ZNF486: variants seen among roughly 807,000 people sequenced by gnomAD.
The protein encoded by ZNF486 is zinc finger protein 486, also known as KRAB box only protein 2.
ZNF486 carries 12 observed loss-of-function variants against 12.8 expected under a neutral mutation model. The observed-to-expected ratio is 0.94, with a 90% CI of 0.60 to 1.52. The LOEUF (loss-of-function observed/expected upper bound fraction) is 1.52, where lower values mean the gene tolerates loss of function less well. Ranked by LOEUF, ZNF486 falls within the 40% of genes most tolerant of loss-of-function variation. ZNF486 has a pLI of 0.00. For missense variants in ZNF486, 738 were observed against 545.0 expected, an observed-to-expected ratio of 1.35 and a Z score of -3.53; for synonymous variants, 231 against 184.9, an observed-to-expected ratio of 1.25 and a Z score of -2.02.
chr19:20,194,274 C>G lies in ZNF486; in HGVS notation c.254-2690C>G, dbSNP rs145474097. 1.4e-3 allele frequency among the ~76,000 whole-genome samples: 218 copies of G among 152,214 alleles called. 2 individuals carry two copies. Among genetic ancestry groups the G allele is most frequent in the African/African-American group, 4.8e-3 (201 of 41,518 alleles). Reference sequence around the variant, plus strand: ...TTTGATGTGTATGGTGTATGCAGTGCCAATATACTTTCTCAGGATTTGGTT... The same window carrying G: ...TTTGATGTGTATGGTGTATGCAGTGGCAATATACTTTCTCAGGATTTGGTT... On this transcript the variant is annotated intron_variant, in intron 3 of 3. Transcript: ENST00000335117.
intron 3 of ZNF486, among the ~76,000 whole-genome samples, chr19:20,192,055 A>T (rs532418714): frequency 2.0e-5 from 3 of 152,202 alleles, no homozygotes; most frequent in African/African-American, 7.2e-5. Context: ...CTGGTAAATT[A>T]ACTCACTTTA....
chr19:20,184,507 T>A, intron 2 of ZNF486, 25 bp downstream of exon 2: 1 of 1,555,166 alleles, frequency 6.4e-7, no homozygotes, highest in Non-Finnish European at 8.6e-7. Flanking sequence ...AATACATAAT[T>A]CATAAAAAAC....
intron 3 of ZNF486, among the ~76,000 whole-genome samples, chr19:20,189,433 G>A (rs2089881694): frequency 6.6e-6 from 1 of 152,160 alleles, no homozygotes; most frequent in Non-Finnish European, 1.5e-5. Flanking sequence ...TTTAAATAAT[G>A]GCTGCATCTT....
chr19:20,197,548 A>G lies in ZNF486; in HGVS notation c.838A>G (p.Thr280Ala), dbSNP rs1363383529. Reference sequence around the variant, plus strand: ...TGGCAAAGCCTTTATGTACCCCTATACCCTTACTACACATAAGATAATCCA... The same window carrying G: ...TGGCAAAGCCTTTATGTACCCCTATGCCCTTACTACACATAAGATAATCCA... ...ECGKAFMYPY[T>A]LTTHKIIHTG... The change falls in exon 4 of 4, where the codon ACC becomes GCC. Residue 280 changes from threonine (T) to alanine (A), a missense_variant. Transcript: ENST00000335117. 8 of 1,612,298 alleles carry G rather than the reference A, an allele frequency of 5.0e-6. No individual in the cohort carries two copies. Among genetic ancestry groups the G allele is most frequent in the Non-Finnish European group, 6.8e-6 (8 of 1,179,392 alleles).
Position 20,193,962 on chromosome 19 carries a change from T to G in ZNF486, c.254-3002T>G, listed in dbSNP as rs542549601. Among the ~76,000 whole-genome samples the G allele has an allele frequency of 7.2e-5, 11 of 152,314 alleles. No homozygotes were observed. In the South Asian group the frequency reaches 2.3e-3, roughly 32 times the overall value. On this transcript the variant is annotated intron_variant, in intron 3 of 3. Transcript: ENST00000335117. ...ATGTGGTAAAAAAATTAACTTCAGT[T>G]ATATACTGAAATTCTTCATCATTAC...
chr19:20,178,272 C>A (rs1467021724), intron 1 of ZNF486, among the ~76,000 whole-genome samples: 1 of 150,626 alleles, frequency 6.6e-6, no homozygotes, highest in African/African-American at 2.4e-5. Context: ...GACAAAGTCT[C>A]ACTCTGTCAC....
chr19:20,179,184 A>G (rs2089757264), intron 1 of ZNF486, among the ~76,000 whole-genome samples: 1 of 152,226 alleles, frequency 6.6e-6, no homozygotes, highest in African/African-American at 2.4e-5. Flanking sequence ...ACTGTTCACT[A>G]TTGGCACAAG....
rs559002129 is a variant in ZNF486, at chr19:20,197,013, A to G, written c.303A>G (p.Lys101=). 6.2e-7 allele frequency: 1 copy of G among 1,603,126 alleles called. No homozygotes were observed. Among genetic ancestry groups the G allele is most frequent in the South Asian group, 1.1e-5 (1 of 88,540 alleles). The part of the protein sequence containing the change: ...AQDLWPEQSI[K]DSYQKVILRK... ...ACCTTTGGCCAGAGCAGAGCATAAAAGATTCTTACCAAAAAGTGATACTGA... is the reference window on the plus strand; with the variant it reads ...ACCTTTGGCCAGAGCAGAGCATAAAGGATTCTTACCAAAAAGTGATACTGA... The change falls in exon 4 of 4, where the codon AAA becomes AAG. Residue 101 remains lysine, a synonymous_variant. Transcript: ENST00000335117.
intron 1 of ZNF486, among the ~76,000 whole-genome samples, chr19:20,170,509 G>T (rs1349422848): frequency 6.6e-6 from 1 of 151,908 alleles, no homozygotes; most frequent in African/African-American, 2.4e-5. Context: ...GAAGGTTGCA[G>T]TGAGCAGTGA....
chr19:20,188,997 G>T (rs966768134), intron 3 of ZNF486, among the ~76,000 whole-genome samples: 4 of 152,138 alleles, frequency 2.6e-5, no homozygotes, highest in Non-Finnish European at 4.4e-5. Flanking sequence ...AGACATCTGG[G>T]TTGCTTCAAC....
At chr19:20,186,694 T>C (rs1223379897) in intron 3 of ZNF486, among the ~76,000 whole-genome samples, 1 of 152,090 alleles carries the variant, frequency 6.6e-6, no homozygotes, top group Non-Finnish European at 1.5e-5. Flanking sequence ...ACCACTGCAA[T>C]TTTGATAGGA....
intron 1 of ZNF486, among the ~76,000 whole-genome samples, chr19:20,178,720 T>C (rs2089751255): frequency 6.6e-6 from 1 of 152,196 alleles, no homozygotes; most frequent in African/African-American, 2.4e-5. Context: ...CAGAATTGTG[T>C]CTCTATTTGT....
Position 20,199,792 on chromosome 19 carries a change from C to A in ZNF486, c.*1690C>A, listed in dbSNP as rs1488493701. 6.6e-6 allele frequency: 1 copy of A among 151,000 alleles called. No homozygotes were observed. Among genetic ancestry groups the A allele is most frequent in the African/African-American group, 2.4e-5 (1 of 41,070 alleles). The allele number at this position is 151,000 out of a possible 1,614,324, so 9.4% of individuals were successfully genotyped here. On this transcript the variant is annotated 3_prime_UTR_variant, in exon 4 of 4. Transcript: ENST00000335117. Reference sequence around the variant, plus strand: ...TAATTACATTAAAAGTATACTTGTTCCAGCTGCGTGTGGTGGCTCATGCCT... The same window carrying A: ...TAATTACATTAAAAGTATACTTGTTACAGCTGCGTGTGGTGGCTCATGCCT...
chr19:20,187,521 TGA>T (rs1379704897), intron 3 of ZNF486, among the ~76,000 whole-genome samples: 9 of 149,304 alleles, frequency 6.0e-5, no homozygotes, highest in African/African-American at 2.2e-4. Context: ...TTTTTTTTTT[TGA>T]GAGAGTCTCA....
chr19:20,178,221 T>C (rs1259037323), intron 1 of ZNF486, among the ~76,000 whole-genome samples: 1 of 151,602 alleles, frequency 6.6e-6, no homozygotes, highest in Non-Finnish European at 1.5e-5. Context: ...AGCCACCATG[T>C]CCAGCGAAGA....
intron 2 of ZNF486, 150 bp from the exon 3 acceptor site, chr19:20,185,837 A>G (rs188201735): frequency 9.1e-5 from 40 of 439,364 alleles, no homozygotes; most frequent in African/African-American, 2.3e-4. Context: ...AGTTGAAAGT[A>G]TTTTCTAAAT....
At chr19:20,196,443 C>T (rs1555717944) in intron 3 of ZNF486, among the ~76,000 whole-genome samples, 2 of 152,196 alleles carry the variant, frequency 1.3e-5, no homozygotes, top group Non-Finnish European at 2.9e-5. Flanking sequence ...ATTCTCATGC[C>T]TCAGCCTCCT....
chr19:20,184,420 C>T lies in ZNF486; in HGVS notation c.95C>T (p.Thr32Ile), dbSNP rs61742117. The T allele has an allele frequency of 1.8e-3, 2,917 of 1,613,570 alleles. 53 individuals carry two copies. The African/African-American group carries it at 0.035, about 19-fold the overall frequency. ...FSLEEWHCLD[T>I]AQQNLYRDVM... ...CTGGAGGAGTGGCATTGCCTGGACA[C>T]TGCACAGCAGAATTTATATAGGGAT... is the stretch of plus-strand genomic sequence containing the variant. The change falls in exon 2 of 4, where the codon ACT (threonine) becomes ATT (isoleucine). Residue 32 changes from threonine (T) to isoleucine (I), a missense_variant. By Grantham distance (89) the Thr-to-Ile change is moderately conservative. Coordinates refer to ENST00000335117, the MANE Select transcript of ZNF486 (RefSeq NM_052852.4).
At chr19:20,176,848 G>T (rs890889810) in intron 1 of ZNF486, 2 of 152,414 alleles carry the variant, frequency 1.3e-5, no homozygotes, top group African/African-American at 4.8e-5. Context: ...AGGGAGAGTC[G>T]AAGCCCTATT....
Sources: allele counts gnomAD v4.1 joint callset (sites outside exome capture counted in the v4.1 genomes callset), GRCh38; gene constraint gnomAD v4.1.1; transcripts MANE v1.5; gene names NCBI Gene and HGNC (gene_info 2026-07-23, HGNC 2026-07-21).